Variants in NELL1 observed in about 807,000 individuals in gnomAD.
NELL1 encodes neural EGFL like 1.
A neutral mutation model predicts 107.4 loss-of-function variants in NELL1; 76 were observed. That is an observed-to-expected ratio of 0.71 (90% confidence interval 0.59 to 0.86). The LOEUF (loss-of-function observed/expected upper bound fraction) is 0.86, where lower values mean the gene tolerates loss of function less well. NELL1 is among the 40% of genes least tolerant of loss of function. NELL1 has a pLI of 0.00. For synonymous variants in NELL1, 353 were observed against 341.2 expected (o/e 1.03, Z -0.38); for missense variants, 1,024 against 1,005.5 (o/e 1.02, Z -0.25).
intron 12 of NELL1, among the ~76,000 whole-genome samples, chr11:21,103,409 C>A (rs1854869413): frequency 6.6e-6 from 1 of 152,136 alleles, no homozygotes; most frequent in African/African-American, 2.4e-5. Flanking sequence ...TGTAGAGAGG[C>A]ACAACAGAGT....
chr11:21,300,851 C>A (rs995919270), intron 14 of NELL1, among the ~76,000 whole-genome samples: 7 of 151,618 alleles, frequency 4.6e-5, no homozygotes, highest in South Asian at 4.2e-4. Flanking sequence ...CATGCTGTAC[C>A]CATTAACTTG....
At chr11:21,155,824 G>A (rs1405261479) in intron 13 of NELL1, among the ~76,000 whole-genome samples, 1 of 152,162 alleles carries the variant, frequency 6.6e-6, no homozygotes, top group African/African-American at 2.4e-5. Flanking sequence ...TTGGGGAGAG[G>A]GAGGAGAGGT....
chr11:21,176,245 A>C (rs79904402), intron 13 of NELL1, among the ~76,000 whole-genome samples: 2,753 of 151,980 alleles, frequency 0.018, 143 homozygotes, highest in African/African-American at 0.062. Context: ...TCCTGCTCAA[A>C]ATACCAAGAA....
At chr11:20,769,335 C>G (rs1168543638) in intron 2 of NELL1, 1 of 152,326 alleles carries the variant, frequency 6.6e-6, no homozygotes, top group African/African-American at 2.4e-5. Flanking sequence ...AATGCAGTGT[C>G]AAAAGGGCAG....
intron 14 of NELL1, among the ~76,000 whole-genome samples, chr11:21,357,958 T>C (rs537888170): frequency 3.3e-5 from 5 of 152,314 alleles, no homozygotes; most frequent in African/African-American, 9.6e-5. Context: ...TGACTATAAG[T>C]ATTTGGTGTT....
At chr11:21,138,733 T>G (rs928222930) in intron 13 of NELL1, among the ~76,000 whole-genome samples, 1 of 152,222 alleles carries the variant, frequency 6.6e-6, no homozygotes, top group African/African-American at 2.4e-5. Flanking sequence ...ATAACTTGAT[T>G]GTTCAAATAA....
chr11:20,807,713 C>A (rs1224085475), intron 3 of NELL1, among the ~76,000 whole-genome samples: 1 of 152,162 alleles, frequency 6.6e-6, no homozygotes, highest in Admixed American at 6.5e-5. Flanking sequence ...CCTTAGAAAT[C>A]TACCTAGTGC....
At chr11:21,268,636 G>C (rs1209170755) in intron 14 of NELL1, among the ~76,000 whole-genome samples, 1 of 152,122 alleles carries the variant, frequency 6.6e-6, no homozygotes, top group Non-Finnish European at 1.5e-5. Flanking sequence ...CTTAATGAAA[G>C]AATGAGACCT....
chr11:20,762,937 G>A (rs549450505), intron 2 of NELL1, among the ~76,000 whole-genome samples: 3 of 152,026 alleles, frequency 2.0e-5, no homozygotes, highest in South Asian at 2.1e-4. Flanking sequence ...AAAGACACTC[G>A]TCCTGTTGGT....
intron 15 of NELL1, among the ~76,000 whole-genome samples, chr11:21,453,395 A>G (rs965228282): frequency 3.9e-5 from 6 of 152,118 alleles, no homozygotes; most frequent in African/African-American, 1.2e-4. Context: ...CTACTTTGAT[A>G]TTACTAAAGT....
At chr11:21,568,203 G>A (rs1223476749) in intron 17 of NELL1, among the ~76,000 whole-genome samples, 1 of 151,776 alleles carries the variant, frequency 6.6e-6, no homozygotes, top group East Asian at 1.9e-4. Context: ...AGTATTGTAG[G>A]CAATTGTAAC....
intron 15 of NELL1, among the ~76,000 whole-genome samples, chr11:21,390,390 A>T (rs1478255809): frequency 6.7e-6 from 1 of 149,354 alleles, no homozygotes; most frequent in African/African-American, 2.5e-5. Context: ...ATAATAATAA[A>T]TAATATATTT....
Position 20,669,693 on chromosome 11 carries a change from G to GC in NELL1, c.-26dup, listed in dbSNP as rs762284540. 3.1e-6 allele frequency: 5 copies of GC among 1,601,172 alleles called. No homozygotes were observed. Among genetic ancestry groups the GC allele is most frequent in the Non-Finnish European group, 4.3e-6 (5 of 1,168,840 alleles). ...TCATTTGCTTCCACCTAGCTTCGGT[G>GC]CCCCCTGCTAGGCGGGGACCCTCGA... On this transcript the variant is annotated 5_prime_UTR_variant, in exon 1 of 20. Transcript: ENST00000357134. The surrounding 1 kb of genome is among the most constrained non-coding windows in gnomAD (Gnocchi z 4.4).
intron 2 of NELL1, among the ~76,000 whole-genome samples, chr11:20,753,685 T>C (rs1401687106): frequency 6.6e-6 from 1 of 152,226 alleles, no homozygotes; most frequent in African/African-American, 2.4e-5. Context: ...AAGTTAGTGT[T>C]GGATGTAACC....
rs367679814 is a variant in NELL1, at chr11:21,257,071, C to T, written c.1549+27617C>T. Among the ~76,000 whole-genome samples, 7 of 152,090 alleles carry T rather than the reference C, an allele frequency of 4.6e-5. No individual in the cohort carries two copies. The South Asian group carries it at 6.2e-4, about 14-fold the overall frequency. On this transcript the variant is annotated intron_variant, in intron 14 of 19. Transcript: ENST00000357134. Reference sequence around the variant, plus strand: ...CTAGTTCCTAGAGCTTCCCCTCAGTCTCAGAGATGCAGTTGCTGGCAGTGG... The same window carrying T: ...CTAGTTCCTAGAGCTTCCCCTCAGTTTCAGAGATGCAGTTGCTGGCAGTGG...
At chr11:20,833,675 T>TA (rs1461360874) in intron 3 of NELL1, among the ~76,000 whole-genome samples, 3 of 152,080 alleles carry the variant, frequency 2.0e-5, no homozygotes, top group East Asian at 1.9e-4. Context: ...TATTCTTATT[T>TA]AAAAAAACCC....
intron 2 of NELL1, among the ~76,000 whole-genome samples, chr11:20,711,510 G>A (rs1165982122): frequency 1.3e-5 from 2 of 151,902 alleles, no homozygotes; most frequent in African/African-American, 4.8e-5. Flanking sequence ...TTCTATTTTG[G>A]TGTATTTTGA....
chr11:20,815,323 T>C (rs1857600518), intron 3 of NELL1, among the ~76,000 whole-genome samples: 1 of 152,140 alleles, frequency 6.6e-6, no homozygotes, highest in Non-Finnish European at 1.5e-5. Flanking sequence ...TGACCTCAGG[T>C]GATCCACCCG....
chr11:21,165,016 T>C (rs1040577201), intron 13 of NELL1, among the ~76,000 whole-genome samples: 11 of 152,222 alleles, frequency 7.2e-5, no homozygotes, highest in Non-Finnish European at 1.3e-4. Flanking sequence ...TACCATCAAT[T>C]TGTTTTGATT....
Sources: allele counts gnomAD v4.1 joint callset (sites outside exome capture counted in the v4.1 genomes callset), GRCh38; gene constraint gnomAD v4.1.1; non-coding constraint Gnocchi (gnomAD v3.1); transcripts MANE v1.5; gene names NCBI Gene and HGNC (gene_info 2026-07-23, HGNC 2026-07-21).